Variants in DEFB116 observed in about 807,000 individuals in gnomAD.
DEFB116 encodes the protein defensin beta 116, also known as beta-defensin 116.
Under a neutral mutation model 2.8 loss-of-function variants are expected in DEFB116, and 5 were observed. That is an observed-to-expected ratio of 1.80 (90% CI 0.94 to 3.79). The LOEUF is 3.79. Among genes scored for constraint, DEFB116 ranks in the 30% most tolerant of loss-of-function variants. DEFB116 has a pLI of 0.00. For synonymous variants in DEFB116, 56 were observed against 40.8 expected, an observed-to-expected ratio of 1.37 and a Z score of -1.42; for missense variants, 170 against 118.0, an observed-to-expected ratio of 1.44 and a Z score of -2.04.
chr20:31,308,305 A>G (rs1985041606), intron 1 of DEFB116, among the ~76,000 whole-genome samples: 2 of 152,120 alleles, frequency 1.3e-5, no homozygotes, highest in Admixed American at 6.6e-5. Context: ...CCACTATGCC[A>G]GGATCAACAA....
rs186318455 is a variant in DEFB116, at chr20:31,303,825, T to C, written c.68-372A>G. On this transcript the variant is annotated intron_variant, in intron 1 of 1. Coordinates refer to ENST00000400549, the MANE Select transcript of DEFB116 (RefSeq NM_001037731.1). Reference sequence around the variant, plus strand: ...CCTGAGAGTATGAGGTTTCAAGGTATGCCACTGTGAGCACATATGTCCCCA... The same window carrying C: ...CCTGAGAGTATGAGGTTTCAAGGTACGCCACTGTGAGCACATATGTCCCCA... Among the ~76,000 whole-genome samples the C allele has an allele frequency of 5.2e-3, 788 of 152,264 alleles. 4 individuals carry two copies. The highest frequency in any genetic ancestry group is 0.018 in the African/African-American group (742 of 41,566).
intron 1 of DEFB116, among the ~76,000 whole-genome samples, chr20:31,304,498 G>T (rs1984949647): frequency 6.6e-6 from 1 of 152,060 alleles, no homozygotes; most frequent in Non-Finnish European, 1.5e-5. Flanking sequence ...TCAAAGAGAT[G>T]CTTTGTTTTG....
At chr20:31,306,717 G>A (rs1049148599) in intron 1 of DEFB116, among the ~76,000 whole-genome samples, 1 of 152,076 alleles carries the variant, frequency 6.6e-6, no homozygotes, top group Non-Finnish European at 1.5e-5. Flanking sequence ...AAGAGGAAGA[G>A]GAGGAGAAAC....
rs1318841073 is a variant in DEFB116 at position 31,308,546 on chromosome 20, G to A, written c.40C>T (p.Leu14Phe). Residue 14 changes from leucine (L) to phenylalanine (F), a missense_variant, in exon 1 of 2, where the codon CTT (leucine) becomes TTT (phenylalanine). Coordinates refer to ENST00000400549, the MANE Select transcript of DEFB116 (RefSeq NM_001037731.1). ...GGAGTCTTTTGAGCCAGGATCATAAGGATGGCAATGGTCATTAAACAGGGC... is the reference window on the plus strand; with the variant it reads ...GGAGTCTTTTGAGCCAGGATCATAAAGATGGCAATGGTCATTAAACAGGGC... Reference protein sequence around the residue: ...MKPCLMTIAILMILAQKTPGG... With the variant: ...MKPCLMTIAIFMILAQKTPGG... The A allele has an allele frequency of 2.5e-6, 4 of 1,613,502 alleles. No homozygotes were observed. Among genetic ancestry groups the A allele is most frequent in the East Asian group, 2.2e-5 (1 of 44,886 alleles).
At position 31,303,402 on chromosome 20, in the gene DEFB116, C is replaced by T. The variant is rs777067232; in HGVS notation, c.119G>A (p.Cys40Tyr). ...TCTGCACATGCCTTGGTAAAGCTCACATGGATTCCAAGGCTCTCGGCTCTT... is the reference window on the plus strand; with the variant it reads ...TCTGCACATGCCTTGGTAAAGCTCATATGGATTCCAAGGCTCTCGGCTCTT... Reference protein sequence around the residue: ...NGKSREPWNPCELYQGMCRNA... With the variant: ...NGKSREPWNPYELYQGMCRNA... Residue 40 changes from cysteine (C) to tyrosine (Y), a missense_variant, in exon 2 of 2, where the codon TGT (cysteine) becomes TAT (tyrosine). By Grantham distance (194) the Cys-to-Tyr change is radical (BLOSUM62 -2). Transcript: ENST00000400549. 1.2e-6 allele frequency: 2 copies of T among 1,613,412 alleles called. No homozygotes were observed. The highest frequency in any genetic ancestry group is 2.2e-5 in the East Asian group (1 of 44,880).
chr20:31,303,559 G>A (rs893925475), intron 1 of DEFB116, 106 bp from the exon 2 acceptor site: 4 of 1,465,356 alleles, frequency 2.7e-6, no homozygotes, highest in Non-Finnish European at 2.7e-6. Context: ...CACAAGATCT[G>A]GAATCAAAAC....
At chr20:31,303,623 A>T (rs1029606635) in intron 1 of DEFB116, among the ~76,000 whole-genome samples, 170 bp from the exon 2 acceptor site, 5 of 152,142 alleles carry the variant, frequency 3.3e-5, no homozygotes, top group Admixed American at 2.0e-4. Context: ...TCCTCAAGCA[A>T]GTTACTTCAG....
intron 1 of DEFB116, among the ~76,000 whole-genome samples, chr20:31,306,638 G>T (rs913505917): frequency 6.6e-6 from 1 of 151,998 alleles, no homozygotes; most frequent in Non-Finnish European, 1.5e-5. Flanking sequence ...AAATAAGGAG[G>T]CATGAGAATG....
At chr20:31,303,476 T>C in intron 1 of DEFB116, 23 bp from the exon 2 acceptor site, 1 of 1,611,978 alleles carries the variant, frequency 6.2e-7, no homozygotes, top group Non-Finnish European at 8.5e-7. Context: ...TGGCCATGTT[T>C]AGTTTCCATG....
At chr20:31,304,190 T>A (rs1286423000) in intron 1 of DEFB116, among the ~76,000 whole-genome samples, 1 of 152,146 alleles carries the variant, frequency 6.6e-6, no homozygotes, top group Non-Finnish European at 1.5e-5. Flanking sequence ...TTGATAGCTA[T>A]GTATAAGTCA....
At chr20:31,305,861 C>A (rs920492886) in intron 1 of DEFB116, among the ~76,000 whole-genome samples, 4 of 152,020 alleles carry the variant, frequency 2.6e-5, no homozygotes, top group African/African-American at 9.7e-5. Flanking sequence ...TCTAGAATTT[C>A]TGATTCAGTA....
intron 1 of DEFB116, among the ~76,000 whole-genome samples, chr20:31,307,993 C>A (rs1461976060): frequency 6.6e-6 from 1 of 152,096 alleles, no homozygotes; most frequent in Non-Finnish European, 1.5e-5. Flanking sequence ...CCCAGTTGCA[C>A]CAACTCTACC....
intron 1 of DEFB116, among the ~76,000 whole-genome samples, chr20:31,304,472 AT>A (rs1984949053): frequency 1.9e-4 from 29 of 152,092 alleles, no homozygotes; most frequent in Non-Finnish European, 2.9e-5. Context: ...CACTCTTTAG[AT>A]GAAGACACTG....
intron 1 of DEFB116, among the ~76,000 whole-genome samples, chr20:31,305,862 T>C (rs1984980693): frequency 6.6e-6 from 1 of 152,100 alleles, no homozygotes; most frequent in South Asian, 2.1e-4. Flanking sequence ...CTAGAATTTC[T>C]GATTCAGTAT....
chr20:31,306,389 G>T (rs1201011988), intron 1 of DEFB116, among the ~76,000 whole-genome samples: 1 of 152,110 alleles, frequency 6.6e-6, no homozygotes, highest in Non-Finnish European at 1.5e-5. Flanking sequence ...TGTCCTAATA[G>T]AAAATGTTGT....
At position 31,304,902 on chromosome 20, in the gene DEFB116, C is replaced by T. The variant is rs765831967; in HGVS notation, c.68-1449G>A. On this transcript the variant is annotated intron_variant, in intron 1 of 1. Transcript: ENST00000400549. ...TTGCATGGAAAAAATGAATACTTTG[C>T]TAATTTTTAGATTAGAGAAAGTAAA... Among the ~76,000 whole-genome samples the T allele has an allele frequency of 3.9e-5, 6 of 152,062 alleles. 1 individual carries two copies. Among genetic ancestry groups the T allele is most frequent in the Non-Finnish European group, 5.9e-5 (4 of 67,992 alleles).
chr20:31,303,477 A>C, intron 1 of DEFB116, 24 bp from the exon 2 acceptor site: 3 of 1,611,908 alleles, frequency 1.9e-6, no homozygotes, highest in Non-Finnish European at 2.5e-6. Flanking sequence ...GGCCATGTTT[A>C]GTTTCCATGC....
chr20:31,306,864 T>G (rs1985001301), intron 1 of DEFB116, among the ~76,000 whole-genome samples: 1 of 152,060 alleles, frequency 6.6e-6, no homozygotes, highest in Admixed American at 6.6e-5. Context: ...AACATTCCAG[T>G]CTCCTGACTT....
At chr20:31,306,346 T>A (rs1228293409) in intron 1 of DEFB116, among the ~76,000 whole-genome samples, 2 of 152,076 alleles carry the variant, frequency 1.3e-5, no homozygotes, top group East Asian at 3.9e-4. Flanking sequence ...TATGCATACA[T>A]TTGGGAGGAT....
Sources: allele counts gnomAD v4.1 joint callset (sites outside exome capture counted in the v4.1 genomes callset), GRCh38; gene constraint gnomAD v4.1.1; transcripts MANE v1.5; gene names NCBI Gene and HGNC (gene_info 2026-07-23, HGNC 2026-07-21).